The following OR52K1 variants were observed in gnomAD, a reference collection of about 807,000 sequenced individuals.
The protein encoded by OR52K1 is olfactory receptor family 52 subfamily K member 1.
A neutral mutation model predicts 8.7 loss-of-function variants in OR52K1; 10 were observed. The ratio of observed to expected loss-of-function variants is 1.15; its 90% CI spans 0.71 to 1.95. OR52K1 has a LOEUF of 1.95. Ranked by LOEUF, OR52K1 falls within the 30% of genes most tolerant of loss-of-function variation. The pLI, the probability that OR52K1 is intolerant of heterozygous loss-of-function variation, is 0.00. For missense variants in OR52K1, 431 were observed against 397.2 expected, an observed-to-expected ratio of 1.08 and a Z score of -0.72; for synonymous variants, 203 against 148.5, an observed-to-expected ratio of 1.37 and a Z score of -2.67.
rs1052814140 is a variant in OR52K1, at chr11:4,490,498, A to G, written c.*653A>G. 2 of 152,298 alleles carry G rather than the reference A, an allele frequency of 1.3e-5. No individual in the cohort carries two copies. The highest frequency in any genetic ancestry group is 4.8e-5 in the African/African-American group (2 of 41,446). 9.4% of individuals were successfully genotyped at this position (152,298 alleles called of 1,614,324 possible). ...TCCTTTTTATCAATTTATATCATGT[A>G]TCTAGCTTTTCACTGCATGTCTTTT... On this transcript the variant is annotated 3_prime_UTR_variant, in exon 2 of 2. Coordinates refer to ENST00000641528, the MANE Select transcript of OR52K1 (RefSeq NM_001005171.3).
chr11:4,490,623 C>T lies in OR52K1; in HGVS notation c.*778C>T, dbSNP rs753913483. ...ATGAAAAGAGAAATAACACCCTTCC[C>T]TCTTGAAGCTGAGATTTCTGAAAAT... On this transcript the variant is annotated 3_prime_UTR_variant, in exon 2 of 2. Coordinates refer to ENST00000641528, the MANE Select transcript of OR52K1 (RefSeq NM_001005171.3). 1 of 152,202 alleles carries T rather than the reference C, an allele frequency of 6.6e-6. No homozygotes were observed. The highest frequency in any genetic ancestry group is 2.4e-5 in the African/African-American group (1 of 41,450). 9.4% of individuals were successfully genotyped at this position (152,202 alleles called of 1,614,324 possible).
intron 1 of OR52K1, among the ~76,000 whole-genome samples, chr11:4,485,303 T>A (rs1846313091): frequency 6.6e-6 from 1 of 152,236 alleles, no homozygotes; most frequent in Non-Finnish European, 1.5e-5. Context: ...CTAGTTCTCT[T>A]TTCTGTGAAC....
chr11:4,487,158 A>G (rs569343224), intron 1 of OR52K1, among the ~76,000 whole-genome samples: 2 of 152,284 alleles, frequency 1.3e-5, no homozygotes, highest in East Asian at 3.9e-4. Flanking sequence ...GAGATTGTAG[A>G]CCTTTCTACA....
At position 4,489,576 on chromosome 11, in the gene OR52K1, G is replaced by T; in HGVS notation, c.676G>T (p.Ala226Ser). The T allele has an allele frequency of 6.2e-7, 1 of 1,614,138 alleles. No individual in the cohort carries two copies. The highest frequency in any genetic ancestry group is 2.2e-5 in the East Asian group (1 of 44,888). The part of the protein sequence containing the change: ...VILSYVFILQ[A>S]VLQLASQEAR... ...CCTGTCTTATGTCTTCATCCTTCAGGCAGTTCTCCAGCTTGCCTCTCAGGA... is the reference window on the plus strand; with the variant it reads ...CCTGTCTTATGTCTTCATCCTTCAGTCAGTTCTCCAGCTTGCCTCTCAGGA... Residue 226 changes from alanine to serine, a missense_variant, in exon 2 of 2, where the codon GCA becomes TCA. Coordinates refer to ENST00000641528, the MANE Select transcript of OR52K1 (RefSeq NM_001005171.3).
At chr11:4,485,887 C>G (rs2133105245) in intron 1 of OR52K1, among the ~76,000 whole-genome samples, 1 of 152,316 alleles carries the variant, frequency 6.6e-6, no homozygotes, top group Middle Eastern at 3.4e-3. Flanking sequence ...ACCTGATTCT[C>G]CTGCTCATTT....
At chr11:4,486,441 T>C (rs1846321566) in intron 1 of OR52K1, among the ~76,000 whole-genome samples, 1 of 152,360 alleles carries the variant, frequency 6.6e-6, no homozygotes. Context: ...CACTGTGTAA[T>C]TGTTCTGTAT....
At chr11:4,487,276 A>G (rs541222536) in intron 1 of OR52K1, among the ~76,000 whole-genome samples, 86 of 152,368 alleles carry the variant, frequency 5.6e-4, no homozygotes, top group African/African-American at 2.0e-3. Context: ...GTTCTACAGA[A>G]GAGAAATATA....
At chr11:4,487,146 T>C (rs747013865) in intron 1 of OR52K1, among the ~76,000 whole-genome samples, 3 of 152,036 alleles carry the variant, frequency 2.0e-5, no homozygotes, top group Non-Finnish European at 4.4e-5. Flanking sequence ...CTTGAGAGAG[T>C]TGAGATTGTA....
Position 4,491,012 on chromosome 11 carries a change from CTA to C in OR52K1, c.*1169_*1170del, listed in dbSNP as rs1297337053. On this transcript the variant is annotated 3_prime_UTR_variant, in exon 2 of 2. Transcript: ENST00000641528. ...CCATCTAGGTTTGTGTAAATACACT[CTA>C]TGATGTTCACAGGTTGATAAAATCA... is the stretch of plus-strand genomic sequence containing the variant. The C allele has an allele frequency of 1.3e-5, 2 of 152,168 alleles. No individual in the cohort carries two copies. Among genetic ancestry groups the C allele is most frequent in the African/African-American group, 4.8e-5 (2 of 41,420 alleles). 9.4% of individuals were successfully genotyped at this position (152,168 alleles called of 1,614,324 possible).
Position 4,489,485 on chromosome 11 carries a change from C to G in OR52K1, c.585C>G (p.Ser195Arg), listed in dbSNP as rs1367619808. ...TAAGGCTGGCGTGTGGGGACACTAG[C>G]TTCAACAATATCTATGGCATTGCTG... ...AVVRLACGDT[S>R]FNNIYGIAVA... The change falls in exon 2 of 2, where the codon AGC (serine) becomes AGG (arginine). Residue 195 changes from serine to arginine, a missense_variant. Physicochemically the swap from Ser to Arg is moderately radical, Grantham distance 110. Transcript: ENST00000641528. 2 of 1,614,208 alleles carry G rather than the reference C, an allele frequency of 1.2e-6. No homozygotes were observed. Among genetic ancestry groups the G allele is most frequent in the South Asian group, 2.2e-5 (2 of 91,082 alleles).
chr11:4,488,273 G>A (rs2133106729), intron 1 of OR52K1, among the ~76,000 whole-genome samples: 1 of 152,322 alleles, frequency 6.6e-6, no homozygotes, highest in South Asian at 2.1e-4. Flanking sequence ...TGGCTATTGA[G>A]CACGTGAAAA....
In OR52K1 at chr11:4,489,414, C is replaced by T. The variant is rs146003159; in HGVS notation, c.514C>T (p.Arg172Ter). The T allele has an allele frequency of 1.1e-3, 1,745 of 1,614,068 alleles. 26 individuals carry two copies. Among genetic ancestry groups the T allele is most frequent in the Admixed American group, 5.7e-4 (34 of 60,012 alleles). ...CCTGCTCAGACGCTTCCACTACTGCCGAGGCCCAGTGATTGCCCATTGCTA... is the reference window on the plus strand; with the variant it reads ...CCTGCTCAGACGCTTCCACTACTGCTGAGGCCCAGTGATTGCCCATTGCTA... Reference protein sequence around the residue: ...PFLLRRFHYCRGPVIAHCYCE... With the variant: ...PFLLRRFHYC Residue 172 changes from arginine (R) to a stop codon, truncating the protein, a stop_gained, in exon 2 of 2, where the codon CGA becomes TGA. Coordinates refer to ENST00000641528, the MANE Select transcript of OR52K1 (RefSeq NM_001005171.3). LOFTEE classifies it high-confidence loss of function.
In OR52K1 at chr11:4,484,768, T is replaced by A. The variant is rs917579919; in HGVS notation, c.-329+1592T>A. On this transcript the variant is annotated intron_variant, in intron 1 of 1. Coordinates refer to ENST00000641528, the MANE Select transcript of OR52K1 (RefSeq NM_001005171.3). The stretch of plus-strand genomic sequence containing the variant: ...TCTCTTTCTTCGTCTAAGTTTCAAC[T>A]TTTCCCCTACTACTGGATAATTTGC... Among the ~76,000 whole-genome samples, 4 of 151,246 alleles carry A rather than the reference T, an allele frequency of 2.6e-5. No homozygotes were observed. In the Admixed American group the frequency reaches 2.7e-4, roughly 10 times the overall value.
Position 4,489,397 on chromosome 11 carries a change from G to C in OR52K1, c.497G>C (p.Arg166Thr), listed in dbSNP as rs540224201. 1.9e-6 allele frequency: 3 copies of C among 1,614,220 alleles called. No homozygotes were observed. In the Admixed American group the frequency reaches 5.0e-5, roughly 27 times the overall value. ...ATGACTCCACTCCCCTTCCTGCTCA[G>C]ACGCTTCCACTACTGCCGAGGCCCA... ...TLMTPLPFLL[R>T]RFHYCRGPVI... The change falls in exon 2 of 2, where the codon AGA becomes ACA. Residue 166 changes from arginine to threonine, a missense_variant. Transcript: ENST00000641528.
Position 4,491,553 on chromosome 11 carries a change from C to T in OR52K1, c.*1708C>T, listed in dbSNP as rs542541122. ...AACCTAAAGGCCTATCAACAGTTGACTGGATAAAGAAAATGTGATACATAT... is the reference window on the plus strand; with the variant it reads ...AACCTAAAGGCCTATCAACAGTTGATTGGATAAAGAAAATGTGATACATAT... On this transcript the variant is annotated 3_prime_UTR_variant, in exon 2 of 2. Coordinates refer to ENST00000641528, the MANE Select transcript of OR52K1 (RefSeq NM_001005171.3). 1.3e-5 allele frequency: 2 copies of T among 152,158 alleles called. No individual in the cohort carries two copies. The highest frequency in any genetic ancestry group is 1.9e-4 in the East Asian group (1 of 5,202). The allele number at this position is 152,158 out of a possible 1,614,324, so 9.4% of individuals were successfully genotyped here. A position where few individuals can be genotyped will look rare whatever the true frequency, so the allele number is the denominator to read the frequency against.
At chr11:4,487,193 G>T (rs922763875) in intron 1 of OR52K1, among the ~76,000 whole-genome samples, 1 of 152,140 alleles carries the variant, frequency 6.6e-6, no homozygotes, top group Admixed American at 6.5e-5. Flanking sequence ...GAAAAGCAGA[G>T]GTTTGAATAA....
chr11:4,487,027 A>G (rs1846326255), intron 1 of OR52K1, among the ~76,000 whole-genome samples: 1 of 152,258 alleles, frequency 6.6e-6, no homozygotes, highest in Non-Finnish European at 1.5e-5. Context: ...AAGCCAGGTA[A>G]GTGATAAGGG....
chr11:4,488,867 C>T lies in OR52K1; in HGVS notation c.-34C>T. The T allele has an allele frequency of 2.0e-6, 3 of 1,474,790 alleles. No individual in the cohort carries two copies. The highest frequency in any genetic ancestry group is 1.9e-6 in the Non-Finnish European group (2 of 1,061,752). 91.4% of individuals were successfully genotyped at this position (1,474,790 alleles called of 1,614,324 possible). A position where few individuals can be genotyped will look rare whatever the true frequency, so the allele number is the denominator to read the frequency against. ...AGGTATATATAGAAGGTGAAGAAGC[C>T]CTGTAAAAATTGACAAGGAGATTTC... On this transcript the variant is annotated 5_prime_UTR_variant, in exon 2 of 2. Transcript: ENST00000641528.
chr11:4,484,843 C>G (rs1335527049), intron 1 of OR52K1, among the ~76,000 whole-genome samples: 2 of 151,296 alleles, frequency 1.3e-5, no homozygotes, highest in Non-Finnish European at 3.0e-5. Context: ...GACACACACA[C>G]ACACACACAC....
Sources: gnomAD v4.1 joint callset for allele counts (sites outside exome capture counted in the v4.1 genomes callset) on GRCh38, gnomAD v4.1.1 for gene constraint, MANE v1.5 for transcripts, NCBI Gene and HGNC (gene_info 2026-07-23, HGNC 2026-07-21) for gene names.